FARS2: variants seen among roughly 807,000 people sequenced by gnomAD.
FARS2 encodes the protein phenylalanine--tRNA ligase, mitochondrial.
In FARS2, 40 loss-of-function variants were observed where a neutral mutation model predicts 46.4. The ratio of observed to expected loss-of-function variants is 0.86; its 90% confidence interval spans 0.67 to 1.12. The LOEUF (loss-of-function observed/expected upper bound fraction) is 1.12. Among genes scored for constraint, FARS2 ranks in the 50% most tolerant of loss-of-function variants. FARS2 has a pLI of 0.00. For synonymous variants in FARS2, 234 were observed against 214.9 expected, an observed-to-expected ratio of 1.09 and a Z score of -0.78; for missense variants, 513 against 567.9, an observed-to-expected ratio of 0.90 and a Z score of 0.98.
chr6:5,468,805 G>C (rs1219885553), intron 4 of FARS2, among the ~76,000 whole-genome samples: 1 of 152,186 alleles, frequency 6.6e-6, no homozygotes, highest in African/African-American at 2.4e-5. Flanking sequence ...AGTGAGATAA[G>C]AGTAGAAAGA....
At chr6:5,715,184 A>G (rs1759423201) in intron 6 of FARS2, among the ~76,000 whole-genome samples, 1 of 152,178 alleles carries the variant, frequency 6.6e-6, no homozygotes, top group East Asian at 1.9e-4. Context: ...GACTGGTTAA[A>G]TATCTTGCCC....
chr6:5,530,326 A>G (rs1024883913), intron 4 of FARS2, among the ~76,000 whole-genome samples: 21 of 152,198 alleles, frequency 1.4e-4, no homozygotes, highest in African/African-American at 4.8e-4. Flanking sequence ...TATAAGATAA[A>G]GGAAAGCTAG....
intron 6 of FARS2, among the ~76,000 whole-genome samples, chr6:5,758,964 G>T (rs73720206): frequency 0.1 from 15,947 of 151,966 alleles, 1,472 homozygotes; most frequent in East Asian, 0.26. Flanking sequence ...CAGAGAGATT[G>T]GGGTTCTGTT....
chr6:5,487,227 C>T (rs1298443432), intron 4 of FARS2, among the ~76,000 whole-genome samples: 1 of 152,208 alleles, frequency 6.6e-6, no homozygotes, highest in African/African-American at 2.4e-5. Flanking sequence ...GCCTCTGGTG[C>T]ACCTACCTGG....
chr6:5,751,001 A>G (rs1011980607), intron 6 of FARS2, among the ~76,000 whole-genome samples: 5 of 152,074 alleles, frequency 3.3e-5, no homozygotes, highest in African/African-American at 1.2e-4. Context: ...AACTTCGTAA[A>G]TATAATAAGT....
rs891197093 is a variant in FARS2 at position 5,718,456 on chromosome 6, C to T, written c.1218-52835C>T. On this transcript the variant is annotated intron_variant, in intron 6 of 6. Coordinates refer to ENST00000274680, the MANE Select transcript of FARS2 (RefSeq NM_006567.5). ...AGATTTCCTGTGATACAAGTGTTGG[C>T]GGCATTTTTGCTGATAGCTTTTCAA... is the stretch of plus-strand genomic sequence containing the variant. Among the ~76,000 whole-genome samples, 12 of 152,140 alleles carry T rather than the reference C, an allele frequency of 7.9e-5. 1 individual carries two copies. The highest frequency in any genetic ancestry group is 3.9e-4 in the Admixed American group (6 of 15,280).
chr6:5,254,918 C>T, the FARS2 span, among the ~76,000 whole-genome samples: 18 of 152,200 alleles, frequency 1.2e-4, no homozygotes, highest in East Asian at 2.9e-3. Context: ...TCTCTACTCA[C>T]GGCAGCAATT....
chr6:5,521,144 T>A (rs377196350), intron 4 of FARS2, among the ~76,000 whole-genome samples: 2 of 152,292 alleles, frequency 1.3e-5, no homozygotes, highest in African/African-American at 4.8e-5. Flanking sequence ...TTCTCTTTTT[T>A]AACTTTCAAA....
At chr6:5,348,256 C>G (rs1331135728) in intron 1 of FARS2, among the ~76,000 whole-genome samples, 1 of 152,048 alleles carries the variant, frequency 6.6e-6, no homozygotes, top group Non-Finnish European at 1.5e-5. Flanking sequence ...GGTATGAAAG[C>G]ATTCTCATAT....
rs979057054 is a variant in FARS2 at position 5,649,890 on chromosome 6, C to T, written c.1217+36570C>T. ...AGCAGTAATTGTTGGTGAGTGAGGC[C>T]TAAAAATATCCTTCTCATTGCCTTT... On this transcript the variant is annotated intron_variant, in intron 6 of 6. Coordinates refer to ENST00000274680, the MANE Select transcript of FARS2 (RefSeq NM_006567.5). 2.6e-5 allele frequency among the ~76,000 whole-genome samples: 4 copies of T among 152,270 alleles called. No individual in the cohort carries two copies. The East Asian group carries it at 5.8e-4, about 22-fold the overall frequency.
At chr6:5,638,555 ACT>A (rs1389621180) in intron 6 of FARS2, among the ~76,000 whole-genome samples, 2 of 152,076 alleles carry the variant, frequency 1.3e-5, no homozygotes, top group African/African-American at 2.4e-5. Flanking sequence ...ACAGAGCGAG[ACT>A]CTGTCTCAAA....
chr6:5,375,266 C>T (rs1759306191), intron 2 of FARS2, among the ~76,000 whole-genome samples: 1 of 151,856 alleles, frequency 6.6e-6, no homozygotes, highest in Admixed American at 6.6e-5. Flanking sequence ...TGTTTTTATC[C>T]ATAAGTAAGA....
At chr6:5,738,898 G>C (rs1761122192) in intron 6 of FARS2, among the ~76,000 whole-genome samples, 1 of 152,054 alleles carries the variant, frequency 6.6e-6, no homozygotes. Flanking sequence ...ACGCTTAGGG[G>C]TTATATTCAT....
chr6:5,306,659 G>A (rs1343599362), intron 1 of FARS2, among the ~76,000 whole-genome samples: 1 of 152,168 alleles, frequency 6.6e-6, no homozygotes, highest in Non-Finnish European at 1.5e-5. Flanking sequence ...GTCCCAGTAT[G>A]TAAGCCACTT....
upstream of FARS2, among the ~76,000 whole-genome samples, chr6:5,257,720 C>A (rs1300401013): frequency 6.6e-6 from 1 of 152,164 alleles, no homozygotes; most frequent in Non-Finnish European, 1.5e-5. Context: ...TTATGAGAAT[C>A]TAATGCCTGA....
chr6:5,445,198 A>AG (rs948658121), intron 4 of FARS2, among the ~76,000 whole-genome samples: 8 of 151,542 alleles, frequency 5.3e-5, no homozygotes, highest in South Asian at 2.1e-4. Context: ...TTTAAAAAAA[A>AG]AGAGAGAAAA....
chr6:5,573,038 A>C (rs1371092170), intron 5 of FARS2, among the ~76,000 whole-genome samples: 1 of 152,202 alleles, frequency 6.6e-6, no homozygotes, highest in African/African-American at 2.4e-5. Context: ...GTTTCTTCCT[A>C]TCCAGTCTGC....
chr6:5,684,259 G>A (rs1427800198), intron 6 of FARS2, among the ~76,000 whole-genome samples: 1 of 152,130 alleles, frequency 6.6e-6, no homozygotes, highest in African/African-American at 2.4e-5. Flanking sequence ...TGTGCCAGCT[G>A]TGTTCATAAT....
chr6:5,513,338 C>T (rs980760736), intron 4 of FARS2, among the ~76,000 whole-genome samples: 2 of 152,118 alleles, frequency 1.3e-5, no homozygotes, highest in Non-Finnish European at 2.9e-5. Context: ...CAGTGCCTGA[C>T]ATGTAGGAGG....
Sources: allele counts gnomAD v4.1 joint callset (sites outside exome capture counted in the v4.1 genomes callset), GRCh38; gene constraint gnomAD v4.1.1; transcripts MANE v1.5; gene names NCBI Gene and HGNC (gene_info 2026-07-23, HGNC 2026-07-21).